Variants in THPO observed in about 807,000 individuals in gnomAD.
The protein encoded by THPO is thrombopoietin, also known as MPL ligand.
THPO carries 12 observed loss-of-function variants against 17.0 expected under a neutral mutation model. The ratio of observed to expected loss-of-function variants is 0.71; its 90% CI spans 0.45 to 1.14. The LOEUF is 1.14. Among genes scored for constraint, THPO ranks in the 50% most tolerant of loss-of-function variants. The pLI, the probability that THPO is intolerant of heterozygous loss-of-function variation, is 0.00. For missense variants in THPO, 365 were observed against 427.5 expected, an observed-to-expected ratio of 0.85 and a Z score of 1.29; for synonymous variants, 188 against 183.0, an observed-to-expected ratio of 1.03 and a Z score of -0.22.
At chr3:184,373,237 G>A (rs1202000295) in intron 5 of THPO, 59 bp from the exon 6 acceptor site, 4 of 1,600,706 alleles carry the variant, frequency 2.5e-6, no homozygotes, top group Admixed American at 1.7e-5. Context: ...GGCCTCCCTT[G>A]TCTAAGTAGG....
chr3:184,375,108 G>C (rs1319137832), intron 4 of THPO, among the ~76,000 whole-genome samples: 1 of 152,170 alleles, frequency 6.6e-6, no homozygotes, highest in Non-Finnish European at 1.5e-5. Context: ...TATCTCTGTT[G>C]TTTCACCTTG....
chr3:184,375,682 A>G (rs980610951), intron 3 of THPO, 81 bp from the exon 4 acceptor site: 1 of 1,479,384 alleles, frequency 6.8e-7, no homozygotes, highest in African/African-American at 1.4e-5. Context: ...CTAGTCCTCC[A>G]TGAGTACTAT....
chr3:184,372,797 G>C lies in THPO; in HGVS notation c.778C>G (p.Leu260Val). ...GTCCTGCGTGAGGGTCCAGGAAAGAGTCCACGAGTTCCATTCAAGAGTTCG... is the reference window on the plus strand; with the variant it reads ...GTCCTGCGTGAGGGTCCAGGAAAGACTCCACGAGTTCCATTCAAGAGTTCG... ...IHELLNGTRG[L>V]FPGPSRRTLG... Residue 260 changes from leucine to valine, a missense_variant, in exon 6 of 6, where the codon CTC (leucine) becomes GTC (valine). By Grantham distance (32) the Leu-to-Val change is conservative. Transcript: ENST00000647395. The C allele has an allele frequency of 1.2e-6, 2 of 1,614,152 alleles. No homozygotes were observed. Among genetic ancestry groups the C allele is most frequent in the African/African-American group, 2.7e-5 (2 of 75,034 alleles).
chr3:184,377,101 T>G (rs1577363858), intron 1 of THPO, among the ~76,000 whole-genome samples: 1 of 146,922 alleles, frequency 6.8e-6, no homozygotes, highest in Non-Finnish European at 1.5e-5. Context: ...GAGAAGAGAG[T>G]GGAAAATGGG....
At chr3:184,378,865 G>C, upstream of THPO, 1 of 985,262 alleles carries the variant, frequency 1.0e-6, no homozygotes, top group Non-Finnish European at 1.2e-6. Flanking sequence ...ATCTCCTACC[G>C]TTCCACATGT....
chr3:184,377,550 C>T (rs934072426), intron 1 of THPO, among the ~76,000 whole-genome samples: 10 of 152,200 alleles, frequency 6.6e-5, no homozygotes, highest in African/African-American at 2.4e-4. Flanking sequence ...CCCCACATGG[C>T]TTCCTCCTCC....
Position 184,375,880 on chromosome 3 carries a change from G to C in THPO, c.141+8C>G. 1 of 1,613,058 alleles carries C rather than the reference G, an allele frequency of 6.2e-7. No individual in the cohort carries two copies. Among genetic ancestry groups the C allele is most frequent in the Non-Finnish European group, 8.5e-7 (1 of 1,179,852 alleles). On this transcript the variant is annotated splice_region_variant and intron_variant, in intron 3 of 5. Transcript: ENST00000647395. ...GCGGATAAAGGGGATAATGTTGGGAGTTCTCACCAGTCTGCTGTGAAGGAC... is the reference window on the plus strand; with the variant it reads ...GCGGATAAAGGGGATAATGTTGGGACTTCTCACCAGTCTGCTGTGAAGGAC...
rs74730650 is a variant in THPO, at chr3:184,375,216, G to A, written c.228+299C>T. On this transcript the variant is annotated intron_variant, in intron 4 of 5. Coordinates refer to ENST00000647395, the MANE Select transcript of THPO (RefSeq NM_000460.4). The stretch of plus-strand genomic sequence containing the variant: ...TGTGTCATCTGTGGATGACATATGA[G>A]TCTTGCTTCTTCATGCCAATTTAAG... 6.7e-4 allele frequency among the ~76,000 whole-genome samples: 102 copies of A among 152,346 alleles called. 1 individual carries two copies. In the East Asian group the frequency reaches 0.019, roughly 28 times the overall value.
At chr3:184,376,516 A>G in intron 1 of THPO, 112 bp from the exon 2 acceptor site, 1 of 1,180,234 alleles carries the variant, frequency 8.5e-7, no homozygotes, top group South Asian at 1.6e-5. Flanking sequence ...TGGAACTGCC[A>G]AAGCCCTGAA....
At position 184,373,138 on chromosome 3, in the gene THPO, T is replaced by C. The variant is rs751329764; in HGVS notation, c.437A>G (p.Asn146Ser). ...GTGTTGGAAGCTCAGGAAGATGGCA[T>C]TGGGATCCTTGTGAGCTGTGGTCCT... ...QGRTTAHKDP[N>S]AIFLSFQHLL... The change falls in exon 6 of 6, where the codon AAT (asparagine) becomes AGT (serine). Residue 146 changes from asparagine (N) to serine (S), a missense_variant. Asn to Ser is a conservative substitution (Grantham distance 46). Transcript: ENST00000647395. The C allele has an allele frequency of 8.1e-6, 13 of 1,613,098 alleles. No homozygotes were observed. The Admixed American group carries it at 1.5e-4, about 19-fold the overall frequency.
At position 184,376,287 on chromosome 3, in the gene THPO, C is replaced by G; in HGVS notation, c.-28G>C. On this transcript the variant is annotated 5_prime_UTR_variant, in exon 2 of 6. Transcript: ENST00000647395. ...TGGCCGGGGTGTCTGGCTGGCGTGG[C>G]TCCCTGTTTGGGGCCTCTCCCCTGA... 6.2e-7 allele frequency: 1 copy of G among 1,614,206 alleles called. No individual in the cohort carries two copies. Among genetic ancestry groups the G allele is most frequent in the Non-Finnish European group, 8.5e-7 (1 of 1,180,028 alleles).
rs769993583 is a variant in THPO, at chr3:184,376,179, G to A, written c.13+68C>T. Reference sequence around the variant, plus strand: ...CCCCCAGCTTCCTGCCCCCTGCAGCGTGTCTCCTTTCTCTCTCCCCTTCTG... The same window carrying A: ...CCCCCAGCTTCCTGCCCCCTGCAGCATGTCTCCTTTCTCTCTCCCCTTCTG... On this transcript the variant is annotated intron_variant, in intron 2 of 5. Transcript: ENST00000647395. The A allele has an allele frequency of 1.8e-5, 29 of 1,613,152 alleles. No homozygotes were observed. The East Asian group carries it at 3.1e-4, about 17-fold the overall frequency.
Position 184,376,254 on chromosome 3 carries a change from C to T in THPO, c.6G>A (p.Glu2=), listed in dbSNP as rs772071763. ...CCTCAGGTGTGTTCTCACCAGTCAG[C>T]TCCATTCTGGCCGGGGTGTCTGGCT... is the stretch of plus-strand genomic sequence containing the variant. M[E]LTELLLVVML... The change falls in exon 2 of 6, where the codon GAG becomes GAA. Residue 2 remains glutamate (E), a synonymous_variant. Transcript: ENST00000647395. The T allele has an allele frequency of 6.2e-7, 1 of 1,614,192 alleles. No homozygotes were observed. Among genetic ancestry groups the T allele is most frequent in the Admixed American group, 1.7e-5 (1 of 60,030 alleles).
Position 184,373,155 on chromosome 3 carries a change from T to C in THPO, c.420A>G (p.Thr140=), listed in dbSNP as rs1256587864. ...AGATGGCATTGGGATCCTTGTGAGC[T>C]GTGGTCCTGCCCTGTGGAGGAAGCT... ...GTQLPPQGRT[T]AHKDPNAIFL... is the part of the protein sequence containing the mutation. The change falls in exon 6 of 6, where the codon ACA becomes ACG. Residue 140 remains threonine (T), a synonymous_variant. Transcript: ENST00000647395. The C allele has an allele frequency of 3.7e-6, 6 of 1,612,420 alleles. No homozygotes were observed. In the South Asian group the frequency reaches 6.6e-5, roughly 18 times the overall value.
At chr3:184,376,503 G>A (rs1714412627) in intron 1 of THPO, 99 bp from the exon 2 acceptor site, 2 of 1,257,618 alleles carry the variant, frequency 1.6e-6, no homozygotes, top group Non-Finnish European at 2.1e-6. Context: ...ATGCTGACCA[G>A]CCTGGAACTG....
chr3:184,373,663 C>T lies in THPO; in HGVS notation c.229-81G>A. On this transcript the variant is annotated intron_variant, in intron 4 of 5. Coordinates refer to ENST00000647395, the MANE Select transcript of THPO (RefSeq NM_000460.4). ...GGTGGGGAGCCTTAGGAGTAGCCAG[C>T]AGAGTGAATCATACAGGCTGAGAAC... is the stretch of plus-strand genomic sequence containing the variant. The T allele has an allele frequency of 2.7e-6, 4 of 1,473,436 alleles. No individual in the cohort carries two copies. In the South Asian group the frequency reaches 4.7e-5, roughly 17 times the overall value. 91.3% of individuals were successfully genotyped at this position (1,473,436 alleles called of 1,614,324 possible).
chr3:184,375,540 C>A lies in THPO; in HGVS notation c.203G>T (p.Ser68Ile), dbSNP rs141465516. The A allele has an allele frequency of 1.2e-6, 2 of 1,614,048 alleles. No individual in the cohort carries two copies. Among genetic ancestry groups the A allele is most frequent in the African/African-American group, 2.7e-5 (2 of 74,904 alleles). The change falls in exon 4 of 6, where the codon AGC (serine) becomes ATC (isoleucine). Residue 68 changes from serine to isoleucine, a missense_variant. Physicochemically the swap from Ser to Ile is moderately radical, Grantham distance 142. Transcript: ENST00000647395. ...TPVLLPAVDF[S>I]LGEWKTQMEE... ...CATCTGGGTTTTCCATTCTCCCAAGCTAAAGTCCACAGCAGGCAGCAGGAC... is the reference window on the plus strand; with the variant it reads ...CATCTGGGTTTTCCATTCTCCCAAGATAAAGTCCACAGCAGGCAGCAGGAC...
rs1438660524 is a variant in THPO at position 184,372,470 on chromosome 3, G to A, written c.*43C>T. The A allele has an allele frequency of 1.2e-6, 2 of 1,611,696 alleles. No homozygotes were observed. Among genetic ancestry groups the A allele is most frequent in the Non-Finnish European group, 1.7e-6 (2 of 1,177,980 alleles). Reference sequence around the variant, plus strand: ...CCAGGGGCGCCCTGCAGGGAAGGGAGCTGTACACGAGACAATGCTGATGTC... The same window carrying A: ...CCAGGGGCGCCCTGCAGGGAAGGGAACTGTACACGAGACAATGCTGATGTC... On this transcript the variant is annotated 3_prime_UTR_variant, in exon 6 of 6. Coordinates refer to ENST00000647395, the MANE Select transcript of THPO (RefSeq NM_000460.4).
At chr3:184,379,537 G>A (rs761055812), upstream of THPO, among the ~76,000 whole-genome samples, 2 of 152,104 alleles carry the variant, frequency 1.3e-5, no homozygotes, top group South Asian at 2.1e-4. Flanking sequence ...AGAGAGGGTG[G>A]TGAGGGTTTG....
Sources: allele counts gnomAD v4.1 joint callset (sites outside exome capture counted in the v4.1 genomes callset), GRCh38; gene constraint gnomAD v4.1.1; transcripts MANE v1.5; gene names NCBI Gene and HGNC (gene_info 2026-07-23, HGNC 2026-07-21).